The following PAIP2 variants were observed in gnomAD, a reference collection of about 807,000 sequenced individuals.
The protein encoded by PAIP2 is poly(A) binding protein interacting protein 2, also known as polyadenylate-binding protein-interacting protein 2.
In PAIP2, 7 loss-of-function variants were observed where a neutral mutation model predicts 14.8. The observed-to-expected ratio is 0.47, with a 90% confidence interval of 0.27 to 0.89. The LOEUF is 0.89. Among genes scored for constraint, PAIP2 ranks in the 40% least tolerant of loss-of-function variants. The probability of loss-of-function intolerance (pLI) is 0.13; values close to 1 mark genes in which losing one functional copy is unlikely to be tolerated. For missense variants in PAIP2, 122 were observed against 154.7 expected (o/e 0.79, Z 1.12); for synonymous variants, 47 against 45.3 (o/e 1.04, Z -0.15).
intron 1 of PAIP2, among the ~76,000 whole-genome samples, chr5:139,344,129 G>C (rs1561955389): frequency 6.6e-6 from 1 of 152,158 alleles, no homozygotes; most frequent in African/African-American, 2.4e-5. Flanking sequence ...AACATAGCTA[G>C]AAGGTAGGCC....
chr5:139,362,729 A>G (rs1350952539), intron 1 of PAIP2, among the ~76,000 whole-genome samples: 1 of 151,578 alleles, frequency 6.6e-6, no homozygotes, highest in East Asian at 1.9e-4. Flanking sequence ...TTTTTAGTAG[A>G]GACAGGGTTT....
intron 1 of PAIP2, among the ~76,000 whole-genome samples, chr5:139,355,726 G>A (rs1051310311): frequency 9.2e-5 from 14 of 151,818 alleles, no homozygotes; most frequent in Non-Finnish European, 1.9e-4. Context: ...GTGTGGTGGC[G>A]GGCGCCTGTA....
At chr5:139,364,796 G>GTT (rs1757168054) in intron 3 of PAIP2, 53 bp downstream of exon 3, 3 of 1,181,156 alleles carry the variant, frequency 2.5e-6, no homozygotes, top group Admixed American at 3.9e-5. Flanking sequence ...TTGCATAAGT[G>GTT]GAAAAGCCAG....
intron 1 of PAIP2, among the ~76,000 whole-genome samples, chr5:139,362,517 TCTC>T (rs973509201): frequency 6.6e-6 from 1 of 150,890 alleles, no homozygotes; most frequent in Non-Finnish European, 1.5e-5. Flanking sequence ...TTCAAGCAAT[TCTC>T]CTGCCTCAGC....
intron 1 of PAIP2, among the ~76,000 whole-genome samples, chr5:139,359,778 G>A (rs1272127392): frequency 3.3e-5 from 5 of 151,174 alleles, no homozygotes; most frequent in African/African-American, 9.7e-5. Flanking sequence ...GAGGCCAGCC[G>A]GGCCAACGTG....
chr5:139,356,514 GTTAA>G (rs1306539731), intron 1 of PAIP2, among the ~76,000 whole-genome samples: 4 of 152,000 alleles, frequency 2.6e-5, no homozygotes, highest in African/African-American at 9.7e-5. Context: ...GACAGTTTCT[GTTAA>G]TTTATTTTTT....
intron 3 of PAIP2, among the ~76,000 whole-genome samples, chr5:139,365,737 T>G (rs1222198696): frequency 6.6e-6 from 1 of 152,150 alleles, no homozygotes; most frequent in East Asian, 1.9e-4. Flanking sequence ...TGGAATCACT[T>G]CCGGCAACAC....
rs749159062 is a variant in PAIP2, at chr5:139,368,730, C to G, written c.319-3C>G. 6.2e-7 allele frequency: 1 copy of G among 1,609,322 alleles called. No homozygotes were observed. Among genetic ancestry groups the G allele is most frequent in the Non-Finnish European group, 8.5e-7 (1 of 1,176,566 alleles). On this transcript the variant is annotated splice_region_variant and splice_polypyrimidine_tract_variant and intron_variant, in intron 3 of 3. Transcript: ENST00000265192. ...CTTGCTTTTTTATGTACTTATTTTC[C>G]AGGTCAAGAGCAATCTGAATCCAAA...
chr5:139,343,402 T>C (rs1180507044), intron 1 of PAIP2: 2 of 152,192 alleles, frequency 1.3e-5, no homozygotes, highest in African/African-American at 2.4e-5. Context: ...GGAACTCAAA[T>C]TGAGGTAGGT....
intron 3 of PAIP2, among the ~76,000 whole-genome samples, chr5:139,366,093 C>G (rs1757232898): frequency 6.6e-6 from 1 of 151,754 alleles, no homozygotes; most frequent in South Asian, 2.1e-4. Flanking sequence ...ATCCCAGCTA[C>G]CTGGGAGGCT....
chr5:139,364,420 T>C (rs952827885), intron 2 of PAIP2, 144 bp from the exon 3 acceptor site: 1 of 541,738 alleles, frequency 1.8e-6, no homozygotes, highest in East Asian at 3.0e-5. Flanking sequence ...CCGGTCATTA[T>C]GGTAAGCATT....
chr5:139,368,292 A>G (rs948651130), intron 3 of PAIP2, among the ~76,000 whole-genome samples: 1 of 152,098 alleles, frequency 6.6e-6, no homozygotes, highest in Non-Finnish European at 1.5e-5. Flanking sequence ...GTGAGCTGAG[A>G]TCGCGCCACT....
At chr5:139,350,336 GA>G (rs1756689301) in intron 1 of PAIP2, among the ~76,000 whole-genome samples, 1 of 151,816 alleles carries the variant, frequency 6.6e-6, no homozygotes, top group South Asian at 2.1e-4. Context: ...TTGTACTTTA[GA>G]AATAGAAATC....
In PAIP2 at chr5:139,368,159, C is replaced by G. The variant is rs558161555; in HGVS notation, c.319-574C>G. On this transcript the variant is annotated intron_variant, in intron 3 of 3. Coordinates refer to ENST00000265192, the MANE Select transcript of PAIP2 (RefSeq NM_016480.5). ...GACCATCCTGGCTAACATGGTGAAA[C>G]CCCGTCTTTACTAAAAATACAACAA... Among the ~76,000 whole-genome samples, 6 of 152,290 alleles carry G rather than the reference C, an allele frequency of 3.9e-5. No individual in the cohort carries two copies. In the East Asian group the frequency reaches 1.2e-3, roughly 29 times the overall value.
intron 1 of PAIP2, among the ~76,000 whole-genome samples, chr5:139,357,198 C>T (rs972584768): frequency 6.6e-6 from 1 of 152,222 alleles, no homozygotes; most frequent in Non-Finnish European, 1.5e-5. Context: ...CCTTTGCCTT[C>T]ACTTCCTGCA....
At chr5:139,343,268 A>G (rs981190897) in intron 1 of PAIP2, 1 of 152,230 alleles carries the variant, frequency 6.6e-6, no homozygotes, top group Non-Finnish European at 1.5e-5. Flanking sequence ...TTTCACACAC[A>G]CACAAAATCA....
At chr5:139,359,979 T>C (rs73255259) in intron 1 of PAIP2, among the ~76,000 whole-genome samples, 1,882 of 152,218 alleles carry the variant, frequency 0.012, 52 homozygotes, top group African/African-American at 0.043. Flanking sequence ...TTCTTTTCTT[T>C]TTTTTGAGAT....
At chr5:139,364,088 T>TA in intron 2 of PAIP2, 166 bp downstream of exon 2, 1 of 625,988 alleles carries the variant, frequency 1.6e-6, no homozygotes. Context: ...CTTAACTGCT[T>TA]ACGGAAATAA....
At chr5:139,357,628 C>G (rs531937360) in intron 1 of PAIP2, among the ~76,000 whole-genome samples, 54 of 152,156 alleles carry the variant, frequency 3.5e-4, no homozygotes, top group Non-Finnish European at 5.0e-4. Context: ...GTCAAGAGAT[C>G]GAGACCATCC....
Sources: allele counts gnomAD v4.1 joint callset (sites outside exome capture counted in the v4.1 genomes callset), GRCh38; gene constraint gnomAD v4.1.1; transcripts MANE v1.5; gene names NCBI Gene and HGNC (gene_info 2026-07-23, HGNC 2026-07-21).